SCARB2: variants seen among roughly 807,000 people sequenced by gnomAD.
SCARB2 encodes the protein scavenger receptor class B member 2.
In SCARB2, 29 loss-of-function variants were observed where a neutral mutation model predicts 58.6. That is an observed-to-expected ratio of 0.49 (90% CI 0.37 to 0.67). The LOEUF (loss-of-function observed/expected upper bound fraction) is 0.67. SCARB2 is among the 30% of genes least tolerant of loss of function. SCARB2 has a pLI of 0.00. For missense variants in SCARB2, 488 were observed against 578.5 expected (o/e 0.84, Z 1.60); for synonymous variants, 195 against 210.1 (o/e 0.93, Z 0.62).
intron 2 of SCARB2, among the ~76,000 whole-genome samples, chr4:76,186,761 C>T (rs1294962259): frequency 6.6e-6 from 1 of 152,094 alleles, no homozygotes; most frequent in Non-Finnish European, 1.5e-5. Flanking sequence ...TGGTCACAAC[C>T]TTTTGTGCAT....
chr4:76,221,112 C>A (rs1209536466), intron 1 of SCARB2, among the ~76,000 whole-genome samples: 1 of 152,146 alleles, frequency 6.6e-6, no homozygotes. Context: ...CCCTTATGAA[C>A]AAGGCCACTT....
Position 76,213,668 on chromosome 4 carries a change from G to T in SCARB2, c.-125C>A, listed in dbSNP as rs529073579. 1.3e-6 allele frequency: 1 copy of T among 741,978 alleles called. No homozygotes were observed. The highest frequency in any genetic ancestry group is 2.4e-5 in the Admixed American group (1 of 42,524). 46.0% of individuals were successfully genotyped at this position (741,978 alleles called of 1,614,324 possible). On this transcript the variant is annotated 5_prime_UTR_variant, in exon 1 of 12. Transcript: ENST00000264896. ...TCGGCGCCACGCCCACGCCCTCCCG[G>T]CGCACGGTTCGTGCGCGCAGCTCTG...
intron 7 of SCARB2, 130 bp downstream of exon 7, chr4:76,174,013 AT>A (rs1404925112): frequency 3.5e-6 from 4 of 1,136,204 alleles, no homozygotes; most frequent in Admixed American, 1.8e-5. Flanking sequence ...TCAAGTGATC[AT>A]CCCACCTCAG....
intron 4 of SCARB2, among the ~76,000 whole-genome samples, chr4:76,177,339 T>TAAAAAAAAA (rs1208141818): frequency 7.3e-6 from 1 of 137,168 alleles, no homozygotes. Context: ...GGAGGGCAAT[T>TAAAAAAAAA]AAAAAAAAAA....
At chr4:76,172,390 G>T (rs894559891) in intron 7 of SCARB2, among the ~76,000 whole-genome samples, 31 of 151,820 alleles carry the variant, frequency 2.0e-4, no homozygotes, top group African/African-American at 7.3e-4. Flanking sequence ...TGGGTATCTG[G>T]AACTATAGGT....
At chr4:76,220,862 G>A (rs1003033320) in intron 1 of SCARB2, among the ~76,000 whole-genome samples, 1 of 152,190 alleles carries the variant, frequency 6.6e-6, no homozygotes, top group Admixed American at 6.5e-5. Flanking sequence ...GTACAAGAAT[G>A]CTTCCAGGTG....
At chr4:76,182,828 A>G (rs1469259964) in intron 2 of SCARB2, among the ~76,000 whole-genome samples, 1 of 152,238 alleles carries the variant, frequency 6.6e-6, no homozygotes, top group Admixed American at 6.5e-5. Context: ...AGTTGAAAAC[A>G]TCGTAAGTTG....
intron 5 of SCARB2, 172 bp from the exon 6 acceptor site, chr4:76,176,082 G>T: frequency 1.3e-6 from 1 of 783,388 alleles, no homozygotes; most frequent in Non-Finnish European, 2.0e-6. Context: ...TAGGTCCCTG[G>T]CCCAAATCAG....
chr4:76,220,865 T>G (rs1350002160), intron 1 of SCARB2, among the ~76,000 whole-genome samples: 1 of 152,218 alleles, frequency 6.6e-6, no homozygotes, highest in African/African-American at 2.4e-5. Flanking sequence ...CAAGAATGCT[T>G]CCAGGTGCTC....
chr4:76,228,606 G>A (rs1733441325), intron 1 of SCARB2, among the ~76,000 whole-genome samples: 1 of 152,000 alleles, frequency 6.6e-6, no homozygotes, highest in South Asian at 2.1e-4. Context: ...ATTTATTTAT[G>A]AAGCTTAGTT....
intron 10 of SCARB2, 67 bp downstream of exon 10, chr4:76,166,182 AG>A: frequency 7.0e-7 from 1 of 1,430,002 alleles, no homozygotes; most frequent in Non-Finnish European, 9.9e-7. Flanking sequence ...TAACTACAAC[AG>A]TAGACATCAT....
intron 10 of SCARB2, chr4:76,165,516 T>C (rs1305590418): frequency 6.6e-6 from 1 of 152,172 alleles, no homozygotes; most frequent in African/African-American, 2.4e-5. Flanking sequence ...ACATGTTTTA[T>C]AAAATGTAAA....
At chr4:76,195,565 C>T in intron 2 of SCARB2, 142 bp downstream of exon 2, 2 of 714,374 alleles carry the variant, frequency 2.8e-6, no homozygotes, top group Non-Finnish European at 4.9e-6. Flanking sequence ...ACATACAAAA[C>T]ATCAGCAGCG....
At chr4:76,212,783 A>C (rs1733082439) in intron 1 of SCARB2, among the ~76,000 whole-genome samples, 1 of 152,232 alleles carries the variant, frequency 6.6e-6, no homozygotes, top group South Asian at 2.1e-4. Context: ...ATCTAAATGC[A>C]TCTGTGCCTG....
chr4:76,219,830 C>T (rs1216999485), intron 1 of SCARB2, among the ~76,000 whole-genome samples: 1 of 152,144 alleles, frequency 6.6e-6, no homozygotes, highest in Non-Finnish European at 1.5e-5. Context: ...CTAACCACTG[C>T]ACTCACCACA....
intron 9 of SCARB2, among the ~76,000 whole-genome samples, chr4:76,167,356 C>G (rs1011617550): frequency 1.3e-5 from 2 of 152,076 alleles, no homozygotes; most frequent in African/African-American, 4.8e-5. Context: ...GTGACTGGAT[C>G]ATGGGGGTGG....
At position 76,201,206 on chromosome 4, in the gene SCARB2, C is replaced by T. The variant is rs1247132560; in HGVS notation, c.118-5342G>A. The stretch of plus-strand genomic sequence containing the variant: ...CCTTCACCCAGAAGTCTCTGCAGGG[C>T]CCTTATCACCTGGTTCACTTCTACT... On this transcript the variant is annotated intron_variant, in intron 1 of 11. Coordinates refer to ENST00000264896, the MANE Select transcript of SCARB2 (RefSeq NM_005506.4). Among the ~76,000 whole-genome samples the T allele has an allele frequency of 3.3e-5, 5 of 152,166 alleles. No homozygotes were observed. In the East Asian group the frequency reaches 9.6e-4, roughly 29 times the overall value.
In SCARB2 at chr4:76,160,642, A is replaced by C. The variant is rs780737598; in HGVS notation, c.*1071T>G. ...AAAACACTGGAAAGAACTGAAACTG[A>C]GGAAGGAACTTGTAAAAAGAACTTC... On this transcript the variant is annotated 3_prime_UTR_variant, in exon 12 of 12. Transcript: ENST00000264896. 3 of 152,264 alleles carry C rather than the reference A, an allele frequency of 2.0e-5. No homozygotes were observed. Among genetic ancestry groups the C allele is most frequent in the African/African-American group, 4.8e-5 (2 of 41,474 alleles). The allele number at this position is 152,264 out of a possible 1,614,324, so 9.4% of individuals were successfully genotyped here. A position where few individuals can be genotyped will look rare whatever the true frequency, so the allele number is the denominator to read the frequency against.
chr4:76,204,910 C>T (rs1732898526), intron 1 of SCARB2, among the ~76,000 whole-genome samples: 1 of 152,132 alleles, frequency 6.6e-6, no homozygotes, highest in Non-Finnish European at 1.5e-5. Flanking sequence ...AGAAAATATC[C>T]TTAAAATGGG....
Sources: gnomAD v4.1 joint callset for allele counts (sites outside exome capture counted in the v4.1 genomes callset) on GRCh38, gnomAD v4.1.1 for gene constraint, MANE v1.5 for transcripts, NCBI Gene and HGNC (gene_info 2026-07-23, HGNC 2026-07-21) for gene names.